Variants in ZMYM2 observed in about 807,000 individuals in gnomAD.
ZMYM2 encodes zinc finger MYM-type containing 2.
A neutral mutation model predicts 162.8 loss-of-function variants in ZMYM2; 56 were observed. That is an observed-to-expected ratio of 0.34 (90% confidence interval 0.28 to 0.43). ZMYM2 has a LOEUF of 0.43. Among genes scored for constraint, ZMYM2 ranks in the 20% least tolerant of loss-of-function variants. The probability of loss-of-function intolerance (pLI) is 1.00; values close to 1 mark genes in which losing one functional copy is unlikely to be tolerated. For missense variants in ZMYM2, 1,275 were observed against 1,621.8 expected (o/e 0.79, Z 3.67); for synonymous variants, 510 against 541.6 (o/e 0.94, Z 0.81).
At chr13:19,886,398 G>A in the ZMYM2 span, among the ~76,000 whole-genome samples, 8 of 151,422 alleles carry the variant, frequency 5.3e-5, no homozygotes, top group African/African-American at 2.0e-4. Flanking sequence ...TCCCGACCTC[G>A]GTGATCTGCC....
At chr13:19,903,075 G>C in the ZMYM2 span, among the ~76,000 whole-genome samples, 1 of 152,056 alleles carries the variant, frequency 6.6e-6, no homozygotes, top group African/African-American at 2.4e-5. Context: ...ATAATTGATT[G>C]AACCCAGGAG....
At position 20,086,848 on chromosome 13, in the gene ZMYM2, A is replaced by G. The variant is rs1958304347; in HGVS notation, c.*834A>G. 1 of 165,416 alleles carries G rather than the reference A, an allele frequency of 6.0e-6. No homozygotes were observed. The highest frequency in any genetic ancestry group is 2.4e-5 in the African/African-American group (1 of 41,488). 10.2% of individuals were successfully genotyped at this position (165,416 alleles called of 1,614,324 possible). ...ATCATCAAGACATTTCCTTTGTAAA[A>G]ATGTCTGGTGAAAGTATAAAATTCT... On this transcript the variant is annotated 3_prime_UTR_variant, in exon 25 of 25. Transcript: ENST00000610343.
chr13:19,956,199 T>G (rs1475064894), upstream of ZMYM2, among the ~76,000 whole-genome samples: 1 of 152,262 alleles, frequency 6.6e-6, no homozygotes, highest in African/African-American at 2.4e-5. Context: ...TCTCTACAGA[T>G]TTGCCTATTA....
the ZMYM2 span, among the ~76,000 whole-genome samples, chr13:19,891,877 C>T: frequency 5.3e-5 from 8 of 151,914 alleles, no homozygotes; most frequent in African/African-American, 1.9e-4. Flanking sequence ...GGCTTATTAC[C>T]ATATTTATTT....
chr13:19,935,104 A>G, the ZMYM2 span, among the ~76,000 whole-genome samples: 15 of 151,818 alleles, frequency 9.9e-5, no homozygotes, highest in Non-Finnish European at 2.1e-4. Context: ...GTTTGGTAAC[A>G]TTTTGAAACT....
the ZMYM2 span, among the ~76,000 whole-genome samples, chr13:19,910,267 A>C: frequency 6.6e-6 from 1 of 152,044 alleles, no homozygotes. Flanking sequence ...TATTGTTATG[A>C]ACCCATTAAG....
the ZMYM2 span, among the ~76,000 whole-genome samples, chr13:19,918,394 G>A: frequency 6.7e-6 from 1 of 148,596 alleles, no homozygotes; most frequent in Admixed American, 6.7e-5. Context: ...CCAGTGAGCC[G>A]AGATCGCACC....
chr13:19,951,417 C>G, the ZMYM2 span, among the ~76,000 whole-genome samples: 2 of 147,616 alleles, frequency 1.4e-5, no homozygotes, highest in African/African-American at 2.5e-5. Context: ...GGGCCAGATG[C>G]GGTGGCTTAC....
chr13:20,083,950 C>A (rs1258008951), intron 24 of ZMYM2, among the ~76,000 whole-genome samples, 174 bp downstream of exon 24: 1 of 152,202 alleles, frequency 6.6e-6, no homozygotes, highest in African/African-American at 2.4e-5. Context: ...CCAGTTTATA[C>A]ATCATACTTA....
At chr13:19,870,397 C>T in the ZMYM2 span, among the ~76,000 whole-genome samples, 1 of 152,076 alleles carries the variant, frequency 6.6e-6, no homozygotes, top group Admixed American at 6.6e-5. Flanking sequence ...CTTGGCTTCC[C>T]AAAGTGCTGG....
At chr13:19,903,483 C>CAAAAA in the ZMYM2 span, among the ~76,000 whole-genome samples, 52 of 83,716 alleles carry the variant, frequency 6.2e-4, no homozygotes, top group South Asian at 1.4e-3. Flanking sequence ...ACTAAAAATA[C>CAAAAA]AAAAAAAAAA....
the ZMYM2 span, among the ~76,000 whole-genome samples, chr13:19,923,516 CTGTT>C: frequency 8.5e-4 from 100 of 117,582 alleles, no homozygotes; most frequent in Middle Eastern, 4.3e-3. Flanking sequence ...CTATTTGTAT[CTGTT>C]TGGGGTCTTT....
At chr13:19,866,371 A>C in the ZMYM2 span, among the ~76,000 whole-genome samples, 1 of 151,562 alleles carries the variant, frequency 6.6e-6, no homozygotes, top group Non-Finnish European at 1.5e-5. Context: ...TGGTACACTA[A>C]AAAAAAAATT....
chr13:20,056,169 G>A (rs1045223474), intron 14 of ZMYM2, among the ~76,000 whole-genome samples: 1 of 152,158 alleles, frequency 6.6e-6, no homozygotes, highest in African/African-American at 2.4e-5. Flanking sequence ...GCAAACTCTT[G>A]ATACACAGAG....
intron 12 of ZMYM2, among the ~76,000 whole-genome samples, chr13:20,050,122 A>G (rs1955182647): frequency 6.6e-6 from 1 of 152,120 alleles, no homozygotes; most frequent in African/African-American, 2.4e-5. Context: ...ATTTGGATTC[A>G]CAAGTTTTTG....
intron 14 of ZMYM2, among the ~76,000 whole-genome samples, chr13:20,053,986 A>C (rs1201176530): frequency 1.3e-5 from 2 of 152,154 alleles, no homozygotes; most frequent in South Asian, 2.1e-4. Context: ...CACGATATTA[A>C]ATATTTTTCT....
chr13:20,070,299 G>A, intron 21 of ZMYM2: 1 of 214,612 alleles, frequency 4.7e-6, no homozygotes, highest in East Asian at 1.1e-4. Context: ...TGACTTTCTG[G>A]CTGTGGTGGT....
At chr13:20,004,096 C>G (rs1005141009) in intron 4 of ZMYM2, among the ~76,000 whole-genome samples, 2 of 152,194 alleles carry the variant, frequency 1.3e-5, no homozygotes, top group Non-Finnish European at 2.9e-5. Flanking sequence ...TTGAATTTTA[C>G]AAAGAGCTTA....
the ZMYM2 span, among the ~76,000 whole-genome samples, chr13:19,939,323 C>T: frequency 1.3e-5 from 2 of 151,502 alleles, no homozygotes; most frequent in Non-Finnish European, 2.9e-5. Flanking sequence ...CGCACCCAGC[C>T]GTAATTTTGT....
Sources: gnomAD v4.1 joint callset for allele counts (sites outside exome capture counted in the v4.1 genomes callset) on GRCh38, gnomAD v4.1.1 for gene constraint, MANE v1.5 for transcripts, NCBI Gene and HGNC (gene_info 2026-07-23, HGNC 2026-07-21) for gene names.